Variants in CNOT10 observed in about 807,000 individuals in gnomAD.
The protein encoded by CNOT10 is CCR4-NOT transcription complex subunit 10.
CNOT10 carries 30 observed loss-of-function variants against 94.6 expected under a neutral mutation model. That is an observed-to-expected ratio of 0.32 (90% CI 0.24 to 0.43). The LOEUF is 0.43. Ranked by LOEUF, CNOT10 falls within the 20% of genes least tolerant of loss-of-function variation. The pLI is 1.00. For synonymous variants in CNOT10, 289 were observed against 301.6 expected (o/e 0.96, Z 0.43); for missense variants, 759 against 877.2 (o/e 0.87, Z 1.70).
chr3:32,716,289 C>G lies in CNOT10; in HGVS notation c.638C>G (p.Ala213Gly), dbSNP rs1377114377. ...HKAESGALIE[A>G]AKSKIHQYKV... ...GCTGAAAGTGGAGCTCTAATAGAAG[C>G]TGCAAAATCAAAGATACATCAGGTA... The change falls in exon 6 of 19, where the codon GCT becomes GGT. Residue 213 changes from alanine to glycine, a missense_variant. Transcript: ENST00000328834. The G allele has an allele frequency of 6.3e-7, 1 of 1,596,584 alleles. No individual in the cohort carries two copies. Among genetic ancestry groups the G allele is most frequent in the Non-Finnish European group, 8.6e-7 (1 of 1,168,838 alleles).
At chr3:32,726,128 A>G (rs1185844478) in intron 9 of CNOT10, among the ~76,000 whole-genome samples, 1 of 151,980 alleles carries the variant, frequency 6.6e-6, no homozygotes, top group African/African-American at 2.4e-5. Context: ...TGTTTTTTGT[A>G]AAGATAGGGT....
chr3:32,753,227 T>C (rs1267450047), intron 13 of CNOT10: 1 of 733,292 alleles, frequency 1.4e-6, no homozygotes, highest in Non-Finnish European at 2.5e-6. Flanking sequence ...AGGACAAAAA[T>C]TAGATAGTGC....
chr3:32,710,392 C>T (rs538451755), intron 4 of CNOT10, among the ~76,000 whole-genome samples: 29 of 151,492 alleles, frequency 1.9e-4, no homozygotes, highest in Non-Finnish European at 3.1e-4. Flanking sequence ...CCTGTGTGTC[C>T]TCTGCCCCAA....
intron 5 of CNOT10, among the ~76,000 whole-genome samples, chr3:32,715,068 T>C (rs950915712): frequency 4.6e-5 from 7 of 152,224 alleles, no homozygotes; most frequent in African/African-American, 1.7e-4. Flanking sequence ...CTTGTAAAAT[T>C]TGATTAAATA....
At chr3:32,726,625 G>A (rs1433918841) in intron 9 of CNOT10, among the ~76,000 whole-genome samples, 4 of 151,344 alleles carry the variant, frequency 2.6e-5, no homozygotes, top group Admixed American at 2.6e-4. Flanking sequence ...GTACCCAGGA[G>A]GCGGAGCTTG....
chr3:32,757,805 G>A (rs778273425), intron 13 of CNOT10, among the ~76,000 whole-genome samples: 8 of 152,184 alleles, frequency 5.3e-5, no homozygotes, highest in Non-Finnish European at 1.2e-4. Context: ...AGCTGTTGAA[G>A]AGCCAGAAAT....
rs1575261895 is a variant in CNOT10 at position 32,734,946 on chromosome 3, C to T, written c.1484C>T (p.Thr495Ile). 3 of 1,613,904 alleles carry T rather than the reference C, an allele frequency of 1.9e-6. No individual in the cohort carries two copies. The highest frequency in any genetic ancestry group is 2.5e-6 in the Non-Finnish European group (3 of 1,179,852). Residue 495 changes from threonine (T) to isoleucine (I), a missense_variant, in exon 12 of 19, where the codon ACA (threonine) becomes ATA (isoleucine). Physicochemically the swap from Thr to Ile is moderately conservative, Grantham distance 89. Around this residue, in one of 3 missense-constraint regions of CNOT10, gnomAD observed 682 missense variants for 799.4 expected, o/e 0.85. Transcript: ENST00000328834. ...AKNSNQLGGN[T>I]ESSESSETCS... ...AATAGTAATCAATTAGGTGGGAACA[C>T]AGAGAGCAGCGAAAGCAGTGAAACT...
At chr3:32,726,836 A>ATTTT (rs56273006) in intron 9 of CNOT10, among the ~76,000 whole-genome samples, 1 of 81,274 alleles carries the variant, frequency 1.2e-5, no homozygotes, top group African/African-American at 4.5e-5. Flanking sequence ...ACCAAGATGA[A>ATTTT]TTTTTTTTTT....
At chr3:32,703,216 G>A (rs924813041) in intron 1 of CNOT10, among the ~76,000 whole-genome samples, 4 of 151,674 alleles carry the variant, frequency 2.6e-5, no homozygotes, top group East Asian at 1.9e-4. Flanking sequence ...GAGCCACCGT[G>A]CCTGGCAACA....
At chr3:32,731,820 T>G (rs1698968718) in intron 10 of CNOT10, among the ~76,000 whole-genome samples, 1 of 152,114 alleles carries the variant, frequency 6.6e-6, no homozygotes, top group Non-Finnish European at 1.5e-5. Context: ...GGTTCATGCC[T>G]GTATTCCCAG....
chr3:32,695,825 C>T, intron 1 of CNOT10: 6 of 1,534,826 alleles, frequency 3.9e-6, no homozygotes, highest in Non-Finnish European at 5.2e-6. Flanking sequence ...CAGACTCTGT[C>T]TGGTAAGAAG....
chr3:32,739,807 T>C (rs1699375349), intron 13 of CNOT10, among the ~76,000 whole-genome samples: 1 of 151,778 alleles, frequency 6.6e-6, no homozygotes, highest in South Asian at 2.1e-4. Flanking sequence ...TGCCTGTAAT[T>C]CCAGCTACTT....
intron 1 of CNOT10, 132 bp downstream of exon 1, chr3:32,685,614 C>A: frequency 1.0e-6 from 1 of 961,066 alleles, no homozygotes; most frequent in Non-Finnish European, 1.6e-6. Context: ...TTCTTTACCC[C>A]ATCCTCTGTC....
chr3:32,755,859 T>C (rs1700206917), intron 13 of CNOT10, among the ~76,000 whole-genome samples: 1 of 151,944 alleles, frequency 6.6e-6, no homozygotes, highest in Non-Finnish European at 1.5e-5. Flanking sequence ...AGTGGGGTTT[T>C]GTCAGATCCT....
chr3:32,703,974 C>T lies in CNOT10; in HGVS notation c.117+12C>T, dbSNP rs200738944. On this transcript the variant is annotated intron_variant, in intron 2 of 18. Transcript: ENST00000328834. ...TCCAAGCTTTCACAGTAAGAAATGG[C>T]TTCTCTTAGTCTGCTCAAGTTGTAG... is the stretch of plus-strand genomic sequence containing the variant. The T allele has an allele frequency of 7.1e-5, 110 of 1,551,968 alleles. No homozygotes were observed. The highest frequency in any genetic ancestry group is 2.2e-5 in the Non-Finnish European group (25 of 1,123,692).
intron 13 of CNOT10, among the ~76,000 whole-genome samples, chr3:32,746,994 G>A (rs1383623788): frequency 2.0e-5 from 3 of 152,152 alleles, no homozygotes; most frequent in Non-Finnish European, 4.4e-5. Flanking sequence ...GCAGGCACCT[G>A]TAATCCCAGC....
intron 1 of CNOT10, among the ~76,000 whole-genome samples, chr3:32,693,738 C>T (rs1485113292): frequency 2.0e-5 from 3 of 151,928 alleles, no homozygotes; most frequent in South Asian, 2.1e-4. Context: ...GATGAGGTTT[C>T]GTCATGTTGC....
At chr3:32,722,185 TG>T (rs1445448568) in intron 8 of CNOT10, among the ~76,000 whole-genome samples, 1 of 152,204 alleles carries the variant, frequency 6.6e-6, no homozygotes, top group East Asian at 1.9e-4. Context: ...TGTTTTGTCT[TG>T]TTTTTTTTGG....
At chr3:32,726,694 C>CATGATA (rs1553633590) in intron 9 of CNOT10, among the ~76,000 whole-genome samples, 35 of 141,768 alleles carry the variant, frequency 2.5e-4, no homozygotes, top group African/African-American at 9.1e-4. Context: ...AGACTCTGTC[C>CATGATA]ATAATAATAA....
Sources: allele counts gnomAD v4.1 joint callset (sites outside exome capture counted in the v4.1 genomes callset), GRCh38; gene constraint gnomAD v4.1.1; regional missense constraint gnomAD v4.1.1; transcripts MANE v1.5; gene names NCBI Gene and HGNC (gene_info 2026-07-23, HGNC 2026-07-21).